The following RMDN1 variants were observed in gnomAD, a reference collection of about 807,000 sequenced individuals.
RMDN1 encodes regulator of microtubule dynamics 1.
In RMDN1, 48 loss-of-function variants were observed where a neutral mutation model predicts 48.9. The ratio of observed to expected loss-of-function variants is 0.98; its 90% confidence interval spans 0.78 to 1.25. The LOEUF (loss-of-function observed/expected upper bound fraction) is 1.25, where lower values mean the gene tolerates loss of function less well. RMDN1 is among the 50% of genes most tolerant of loss of function. The probability of loss-of-function intolerance (pLI) is 0.00; values close to 1 mark genes in which losing one functional copy is unlikely to be tolerated. For synonymous variants in RMDN1, 148 were observed against 132.6 expected (o/e 1.12, Z -0.80); for missense variants, 418 against 373.4 (o/e 1.12, Z -0.98).
chr8:86,500,664 C>T (rs1185877479), intron 2 of RMDN1, among the ~76,000 whole-genome samples: 2 of 152,038 alleles, frequency 1.3e-5, no homozygotes, highest in African/African-American at 4.8e-5. Flanking sequence ...AATAGAACCA[C>T]TACTTGATCC....
chr8:86,492,498 C>T (rs1241870809), intron 2 of RMDN1, among the ~76,000 whole-genome samples: 1 of 151,870 alleles, frequency 6.6e-6, no homozygotes, highest in African/African-American at 2.4e-5. Context: ...GCTGAAAATA[C>T]AAAAATCAGC....
intron 5 of RMDN1, among the ~76,000 whole-genome samples, chr8:86,481,080 G>GA (rs1481340658): frequency 1.3e-5 from 2 of 151,876 alleles, no homozygotes; most frequent in Non-Finnish European, 2.9e-5. Context: ...GACTCTTTTT[G>GA]AAAAAATTAA....
At chr8:86,484,989 A>T in intron 4 of RMDN1, 28 bp from the exon 5 acceptor site, 1 of 1,255,014 alleles carries the variant, frequency 8.0e-7, no homozygotes, top group Non-Finnish European at 1.1e-6. Flanking sequence ...TGTAAGAACA[A>T]TAATATTCTT....
At chr8:86,502,721 C>T (rs141628320) in intron 2 of RMDN1, among the ~76,000 whole-genome samples, 57 of 152,164 alleles carry the variant, frequency 3.7e-4, no homozygotes, top group African/African-American at 1.1e-3. Context: ...TATAACACCC[C>T]GGGATTGGTT....
Position 86,473,787 on chromosome 8 carries a change from A to G in RMDN1, c.*521T>C. The stretch of plus-strand genomic sequence containing the variant: ...TCTCAAAAAAATAAAAAAGGAAACT[A>G]CTCCATTTTTAGTCATCTCCTTACT... On this transcript the variant is annotated 3_prime_UTR_variant, in exon 10 of 10. Transcript: ENST00000406452. 1 of 973,318 alleles carries G rather than the reference A, an allele frequency of 1.0e-6. No individual in the cohort carries two copies. Among genetic ancestry groups the G allele is most frequent in the Non-Finnish European group, 1.2e-6 (1 of 819,098 alleles). The allele number at this position is 973,318 out of a possible 1,614,324, so 60.3% of individuals were successfully genotyped here. A position where few individuals can be genotyped will look rare whatever the true frequency, so the allele number is the denominator to read the frequency against.
At chr8:86,510,119 T>C (rs1206172886), upstream of RMDN1, among the ~76,000 whole-genome samples, 1 of 152,228 alleles carries the variant, frequency 6.6e-6, no homozygotes, top group Non-Finnish European at 1.5e-5. Flanking sequence ...TGTTACCTTT[T>C]TCTCACATTT....
intron 2 of RMDN1, among the ~76,000 whole-genome samples, chr8:86,500,464 A>G (rs1818024753): frequency 1.3e-5 from 2 of 151,954 alleles, no homozygotes; most frequent in African/African-American, 4.8e-5. Context: ...GCAAATCAAA[A>G]CCAGAATGAG....
chr8:86,505,907 A>G (rs1479097142), intron 2 of RMDN1, among the ~76,000 whole-genome samples: 1 of 152,214 alleles, frequency 6.6e-6, no homozygotes, highest in Non-Finnish European at 1.5e-5. Context: ...CCTACATAAT[A>G]AAGTTATTGA....
rs1346436009 is a variant in RMDN1 at position 86,477,311 on chromosome 8, A to G, written c.743T>C (p.Phe248Ser). 6.2e-7 allele frequency: 1 copy of G among 1,602,002 alleles called. No individual in the cohort carries two copies. The highest frequency in any genetic ancestry group is 1.3e-5 in the African/African-American group (1 of 74,340). Reference sequence around the variant, plus strand: ...TACCTTACCTTGTTCTGCCCTGTGAAAGTAGCCTAAGGCCTGTCAAAAACA... The same window carrying G: ...TACCTTACCTTGTTCTGCCCTGTGAGAGTAGCCTAAGGCCTGTCAAAAACA... The part of the protein sequence containing the change: ...SSTYEKALGY[F>S]HRAEQVDPNF... The change falls in exon 8 of 10, where the codon TTT becomes TCT. Residue 248 changes from phenylalanine to serine, a missense_variant. By Grantham distance (155) the Phe-to-Ser change is radical. Coordinates refer to ENST00000406452, the MANE Select transcript of RMDN1 (RefSeq NM_016033.3).
intron 3 of RMDN1, among the ~76,000 whole-genome samples, chr8:86,487,574 G>C (rs1244816479): frequency 6.6e-6 from 1 of 151,828 alleles, no homozygotes; most frequent in Admixed American, 6.6e-5. Flanking sequence ...GACAACAAGA[G>C]CAAAACTGTC....
At chr8:86,502,722 G>A (rs1586763782) in intron 2 of RMDN1, among the ~76,000 whole-genome samples, 2 of 151,942 alleles carry the variant, frequency 1.3e-5, no homozygotes, top group African/African-American at 4.8e-5. Flanking sequence ...ATAACACCCC[G>A]GGATTGGTTT....
intron 3 of RMDN1, 28 bp from the exon 4 acceptor site, chr8:86,486,671 C>T: frequency 6.4e-7 from 1 of 1,564,064 alleles, no homozygotes; most frequent in Non-Finnish European, 8.7e-7. Context: ...ATAAAACAAC[C>T]ATTTTAGCTC....
At chr8:86,475,174 T>G in intron 8 of RMDN1, 1 of 401,140 alleles carries the variant, frequency 2.5e-6, no homozygotes, top group East Asian at 4.2e-5. Context: ...CACTGCATTA[T>G]ACACATTTCT....
chr8:86,483,736 A>T (rs1814967473), intron 5 of RMDN1, among the ~76,000 whole-genome samples: 1 of 152,168 alleles, frequency 6.6e-6, no homozygotes. Context: ...TTTAAATAGC[A>T]AATTCAGCAC....
Position 86,473,908 on chromosome 8 carries a change from T to C in RMDN1, c.*400A>G. The C allele has an allele frequency of 1.0e-6, 1 of 1,001,630 alleles. No homozygotes were observed. The highest frequency in any genetic ancestry group is 1.2e-6 in the Non-Finnish European group (1 of 840,682). 62.0% of individuals were successfully genotyped at this position (1,001,630 alleles called of 1,614,324 possible). A position where few individuals can be genotyped will look rare whatever the true frequency, so the allele number is the denominator to read the frequency against. ...TCCTAACCACTGTCACCACACCTTC[T>C]CTTCAAGATTTCAACTTAGAATCAA... On this transcript the variant is annotated 3_prime_UTR_variant, in exon 10 of 10. Transcript: ENST00000406452.
chr8:86,503,385 A>AAAAAAAAAAAAAAAAAAAAAAAAAC (rs1554594088), intron 2 of RMDN1, among the ~76,000 whole-genome samples: 1 of 81,070 alleles, frequency 1.2e-5, no homozygotes, highest in Non-Finnish European at 2.3e-5. Flanking sequence ...AAAAAAAAAA[A>AAAAAAAAAAAAAAAAAAAAAAAAAC]AAAACAAAAA....
intron 2 of RMDN1, among the ~76,000 whole-genome samples, chr8:86,491,137 T>G (rs2130933983): frequency 6.6e-6 from 1 of 151,676 alleles, no homozygotes. Flanking sequence ...TAAATTTATT[T>G]ATTTATTTAT....
At chr8:86,470,439 G>A, downstream of RMDN1, 1 of 1,254,850 alleles carries the variant, frequency 8.0e-7, no homozygotes, top group South Asian at 1.3e-5. Flanking sequence ...GAGACTTAGT[G>A]CACAGAATCA....
chr8:86,480,234 A>T, intron 6 of RMDN1, 43 bp downstream of exon 6: 4 of 983,278 alleles, frequency 4.1e-6, no homozygotes, highest in Middle Eastern at 2.4e-4. Context: ...ACTACAAAAT[A>T]TCACACTAAA....
Sources: gnomAD v4.1 joint callset for allele counts (sites outside exome capture counted in the v4.1 genomes callset) on GRCh38, gnomAD v4.1.1 for gene constraint, MANE v1.5 for transcripts, NCBI Gene and HGNC (gene_info 2026-07-23, HGNC 2026-07-21) for gene names.